Variants in LAMA4 observed in about 807,000 individuals in gnomAD.
LAMA4 encodes laminin subunit alpha 4, also known as laminin subunit alpha-4.
Under a neutral mutation model 207.1 loss-of-function variants are expected in LAMA4, and 127 were observed. The ratio of observed to expected loss-of-function variants is 0.61; its 90% CI spans 0.53 to 0.71. The LOEUF is 0.71. Among genes scored for constraint, LAMA4 ranks in the 30% least tolerant of loss-of-function variants. The pLI is 0.00. For missense variants in LAMA4, 2,093 were observed against 2,246.5 expected (o/e 0.93, Z 1.38); for synonymous variants, 761 against 816.0 (o/e 0.93, Z 1.15).
chr6:112,170,458 C>A (rs917229864), intron 12 of LAMA4, among the ~76,000 whole-genome samples: 5 of 152,162 alleles, frequency 3.3e-5, no homozygotes, highest in Admixed American at 6.5e-5. Flanking sequence ...TGCTCTTAAT[C>A]TTCTTTGGGA....
Position 112,254,132 on chromosome 6 carries a change from A to G in LAMA4, c.19T>C (p.Trp7Arg), listed in dbSNP as rs1787687896. 2 of 1,612,840 alleles carry G rather than the reference A, an allele frequency of 1.2e-6. No individual in the cohort carries two copies. The highest frequency in any genetic ancestry group is 1.7e-5 in the Admixed American group (1 of 59,998). The change falls in exon 2 of 39, where the codon TGG becomes CGG. Residue 7 changes from tryptophan (W) to arginine (R), a missense_variant. By Grantham distance (101) the Trp-to-Arg change is moderately radical. Around this residue, in one of 3 missense-constraint regions of LAMA4, gnomAD observed 1,704 missense variants for 1,788.4 expected, o/e 0.95. Coordinates refer to ENST00000230538, the MANE Select transcript of LAMA4 (RefSeq NM_001105206.3). MALSSA[W>R]RSVLPLWLLW... ...AGCCACAGAGGCAGAACCGAGCGCC[A>G]GGCTGAGCTCAAAGCCATTTCTCCG...
chr6:112,131,209 G>A (rs748217018), intron 28 of LAMA4, 108 bp from the exon 29 acceptor site: 38 of 996,368 alleles, frequency 3.8e-5, no homozygotes, highest in Non-Finnish European at 5.7e-5. Context: ...TAGTGTGTAG[G>A]AAATTTGCTT....
chr6:112,248,119 T>C (rs1787133565), intron 2 of LAMA4, among the ~76,000 whole-genome samples: 1 of 152,030 alleles, frequency 6.6e-6, no homozygotes, highest in Non-Finnish European at 1.5e-5. Context: ...GGGTTTCAGT[T>C]TGGGAAAATG....
intron 2 of LAMA4, among the ~76,000 whole-genome samples, chr6:112,249,025 G>A (rs1201301295): frequency 6.6e-6 from 1 of 152,162 alleles, no homozygotes; most frequent in Non-Finnish European, 1.5e-5. Context: ...TACGTGAGTA[G>A]TTTTAAAAAG....
At chr6:112,110,489 A>G (rs147224160) in intron 38 of LAMA4, among the ~76,000 whole-genome samples, 1 of 152,344 alleles carries the variant, frequency 6.6e-6, no homozygotes, top group Non-Finnish European at 1.5e-5. Flanking sequence ...ATGTAGGGTA[A>G]GAATATGCAG....
intron 9 of LAMA4, among the ~76,000 whole-genome samples, chr6:112,182,995 T>C (rs1406491882): frequency 1.3e-5 from 2 of 152,128 alleles, no homozygotes; most frequent in Non-Finnish European, 2.9e-5. Context: ...GACTTCCCAG[T>C]AGAAGGCTGG....
chr6:112,236,654 G>A (rs1554366159), intron 2 of LAMA4: 1 of 152,208 alleles, frequency 6.6e-6, no homozygotes, highest in African/African-American at 2.4e-5. Context: ...CTGCAGATAT[G>A]TTATAAGGCA....
chr6:112,129,688 T>C (rs1023641764), intron 30 of LAMA4, among the ~76,000 whole-genome samples, 188 bp downstream of exon 30: 13 of 152,140 alleles, frequency 8.5e-5, no homozygotes, highest in African/African-American at 3.1e-4. Flanking sequence ...CAAGGTCATA[T>C]GGAAATTAAA....
chr6:112,107,953 T>C lies in LAMA4; in HGVS notation c.*1484A>G, dbSNP rs182188232. On this transcript the variant is annotated 3_prime_UTR_variant, in exon 39 of 39. Transcript: ENST00000230538. The stretch of plus-strand genomic sequence containing the variant: ...AATGAACAAATAAAATAATTAACTT[T>C]AGCTTATCATGGTGGCTGGCACTTA... Among the ~76,000 whole-genome samples the C allele has an allele frequency of 1.3e-4, 20 of 152,242 alleles. No individual in the cohort carries two copies. Among genetic ancestry groups the C allele is most frequent in the Admixed American group, 5.2e-4 (8 of 15,298 alleles).
At chr6:112,207,669 A>T (rs1554354864) in intron 3 of LAMA4, among the ~76,000 whole-genome samples, 1 of 152,182 alleles carries the variant, frequency 6.6e-6, no homozygotes, top group African/African-American at 2.4e-5. Flanking sequence ...CATTCTGCTC[A>T]TGGGTTGGTA....
chr6:112,220,063 TC>T (rs1256122330), intron 2 of LAMA4, among the ~76,000 whole-genome samples: 1 of 152,142 alleles, frequency 6.6e-6, no homozygotes. Flanking sequence ...GTAAAATGCC[TC>T]CTTTAAATCC....
At position 112,139,780 on chromosome 6, in the gene LAMA4, C is replaced by T. The variant is rs782548038; in HGVS notation, c.3082G>A (p.Asp1028Asn). 6.2e-7 allele frequency: 1 copy of T among 1,614,006 alleles called. No individual in the cohort carries two copies. The highest frequency in any genetic ancestry group is 8.5e-7 in the Non-Finnish European group (1 of 1,179,908). ...LYNFKHIYNM[D>N]PSTSVPCARD... ...GCACATGGCACTGATGTGGAGGGGT[C>T]CATATTATAGATGTGCTTAAAGTTG... Residue 1028 changes from aspartate to asparagine, a missense_variant, in exon 23 of 39, where the codon GAC becomes AAC. By Grantham distance (23) the Asp-to-Asn change is conservative. Transcript: ENST00000230538.
At chr6:112,222,903 T>C (rs1785004123) in intron 2 of LAMA4, among the ~76,000 whole-genome samples, 2 of 152,226 alleles carry the variant, frequency 1.3e-5, no homozygotes, top group Non-Finnish European at 1.5e-5. Flanking sequence ...AGGATGATTG[T>C]ATTTATTAAT....
intron 2 of LAMA4, among the ~76,000 whole-genome samples, chr6:112,221,824 AG>A (rs781952862): frequency 5.3e-5 from 8 of 152,226 alleles, no homozygotes; most frequent in Non-Finnish European, 1.2e-4. Context: ...TTTCTAGTGG[AG>A]AAAAACATGA....
At position 112,129,050 on chromosome 6, in the gene LAMA4, C is replaced by A. The variant is rs1554328652; in HGVS notation, c.4159G>T (p.Asp1387Tyr). Residue 1387 changes from aspartate (D) to tyrosine (Y), a missense_variant, in exon 31 of 39, where the codon GAT becomes TAT. Transcript: ENST00000230538. ...TRVDRDVEVE[D>Y]FQRYTEKVHT... ...ACCTTTTCAGTATACCGTTGGAAAT[C>A]TTCAACCTCCACATCTCTATCCACC... 6.2e-7 allele frequency: 1 copy of A among 1,612,636 alleles called. No individual in the cohort carries two copies. The highest frequency in any genetic ancestry group is 2.2e-5 in the East Asian group (1 of 44,826).
Position 112,190,928 on chromosome 6 carries a change from TTTCTTTCTTTCTTTCTTTCCTTTCTTTC to T in LAMA4, c.718+680_718+707del, listed in dbSNP as rs1562714345. On this transcript the variant is annotated intron_variant, in intron 6 of 38. Coordinates refer to ENST00000230538, the MANE Select transcript of LAMA4 (RefSeq NM_001105206.3). ...CTTTCTTTCTTTCTTTCTTTCTTTCTTTCTTTCTTTCTTTCTTTCCTTTCTTTCTTTCTTTCTTTCTTTCTTTCTTTCT... is the reference window on the plus strand; with the variant it reads ...CTTTCTTTCTTTCTTTCTTTCTTTCTTTTCTTTCTTTCTTTCTTTCTTTCT... 6.9e-4 allele frequency among the ~76,000 whole-genome samples: 69 copies of T among 100,622 alleles called. 2 individuals are homozygous for T. Among genetic ancestry groups the T allele is most frequent in the South Asian group, 2.2e-3 (5 of 2,288 alleles). 66.0% of individuals were successfully genotyped at this position (100,622 alleles called of 152,430 possible).
At chr6:112,160,398 C>T (rs545272708) in intron 13 of LAMA4, among the ~76,000 whole-genome samples, 1 of 152,300 alleles carries the variant, frequency 6.6e-6, no homozygotes, top group South Asian at 2.1e-4. Flanking sequence ...TAGCTACTGA[C>T]TCTTCTCAGA....
chr6:112,196,356 C>A (rs1554350508), intron 5 of LAMA4: 2 of 152,160 alleles, frequency 1.3e-5, no homozygotes, highest in African/African-American at 4.8e-5. Flanking sequence ...CCTTTCCCAG[C>A]CTCTAATAAT....
At chr6:112,140,691 A>G (rs781926864) in intron 22 of LAMA4, 69 bp downstream of exon 22, 320 of 1,440,122 alleles carry the variant, frequency 2.2e-4, no homozygotes, top group Middle Eastern at 1.8e-4. Context: ...AAGTCATTAT[A>G]GGTTTATGGA....
Sources: gnomAD v4.1 joint callset for allele counts (sites outside exome capture counted in the v4.1 genomes callset) on GRCh38, gnomAD v4.1.1 for gene constraint, gnomAD v4.1.1 regional missense constraint, MANE v1.5 for transcripts, NCBI Gene and HGNC (gene_info 2026-07-23, HGNC 2026-07-21) for gene names.